OPRL1: variants seen among roughly 807,000 people sequenced by gnomAD.
OPRL1 encodes the protein opioid related nociceptin receptor 1, also known as nociceptin receptor.
In OPRL1, 5 loss-of-function variants were observed where a neutral mutation model predicts 15.5. That is an observed-to-expected ratio of 0.32 (90% CI 0.17 to 0.68). OPRL1 has a LOEUF of 0.68. Among genes scored for constraint, OPRL1 ranks in the 30% least tolerant of loss-of-function variants. The pLI is 0.72. For synonymous variants in OPRL1, 223 were observed against 230.2 expected (o/e 0.97, Z 0.28); for missense variants, 406 against 515.3 (o/e 0.79, Z 2.05).
In OPRL1 at chr20:64,098,595, C is replaced by T; in HGVS notation, c.909C>T (p.Phe303=). Residue 303 remains phenylalanine (F), a synonymous_variant, in exon 5 of 5, where the codon TTC becomes TTT. Transcript: ENST00000336866. ...AGACTGCCGTGGCCATTCTGCGCTT[C>T]TGCACGGCCCTGGGCTACGTCAACA... ...SSETAVAILR[F]CTALGYVNSC... The T allele has an allele frequency of 1.2e-6, 2 of 1,612,892 alleles. No homozygotes were observed. Among genetic ancestry groups the T allele is most frequent in the Non-Finnish European group, 1.7e-6 (2 of 1,179,990 alleles).
In OPRL1 at chr20:64,089,379, G is replaced by A. The variant is rs2060098402; in HGVS notation, c.-184-2587G>A. ...TGGGAGCTGCCTTGGTGGGGGTGCA[G>A]GTGGCTGGTTGCTATTGCTGGGTGA... On this transcript the variant is annotated intron_variant, in intron 1 of 4. Coordinates refer to ENST00000336866, the MANE Select transcript of OPRL1 (RefSeq NM_182647.4). The surrounding 1 kb of genome is among the most constrained non-coding windows in gnomAD (Gnocchi z 5.5). Among the ~76,000 whole-genome samples, 1 of 152,100 alleles carries A rather than the reference G, an allele frequency of 6.6e-6. No individual in the cohort carries two copies. Among genetic ancestry groups the A allele is most frequent in the African/African-American group, 2.4e-5 (1 of 41,408 alleles).
At chr20:64,092,182 G>A (rs2060125682) in intron 2 of OPRL1, 66 bp downstream of exon 2, 1 of 155,420 alleles carries the variant, frequency 6.4e-6, no homozygotes, top group Non-Finnish European at 1.4e-5. Context: ...AAGCAGGGCG[G>A]GTGGAGGGGG....
At chr20:64,084,781 A>C (rs1273633082) in intron 1 of OPRL1, among the ~76,000 whole-genome samples, 2 of 152,090 alleles carry the variant, frequency 1.3e-5, no homozygotes, top group Non-Finnish European at 2.9e-5. Context: ...TACAGCTGCC[A>C]CCTTGTCCAG....
rs1319260003 is a variant in OPRL1, at chr20:64,098,467, A to G, written c.781A>G (p.Ile261Val). The stretch of plus-strand genomic sequence containing the variant: ...AGAGAAGGACCGGAACCTGCGGCGC[A>G]TCACTCGGCTGGTGCTGGTGGTAGT... ...SREKDRNLRR[I>V]TRLVLVVVAV... Residue 261 changes from isoleucine to valine, a missense_variant, in exon 5 of 5, where the codon ATC becomes GTC. By Grantham distance (29) the Ile-to-Val change is conservative (BLOSUM62 3). Coordinates refer to ENST00000336866, the MANE Select transcript of OPRL1 (RefSeq NM_182647.4). The G allele has an allele frequency of 1.7e-5, 28 of 1,613,104 alleles. No individual in the cohort carries two copies. The highest frequency in any genetic ancestry group is 2.2e-5 in the South Asian group (2 of 91,076).
In OPRL1 at chr20:64,083,817, C is replaced by T. The variant is rs529928198; in HGVS notation, c.-185+3465C>T. On this transcript the variant is annotated intron_variant, in intron 1 of 4. Coordinates refer to ENST00000336866, the MANE Select transcript of OPRL1 (RefSeq NM_182647.4). The surrounding 1 kb of genome is among the most constrained non-coding windows in gnomAD (Gnocchi z 4.9). ...TCTGCCCTCCGACCCCCTCGCCTCACCCGCATGCGGGTGTAGCGCAGCCGC... is the reference window on the plus strand; with the variant it reads ...TCTGCCCTCCGACCCCCTCGCCTCATCCGCATGCGGGTGTAGCGCAGCCGC... 11 of 1,358,948 alleles carry T rather than the reference C, an allele frequency of 8.1e-6. No homozygotes were observed. The African/African-American group carries it at 1.5e-4, about 19-fold the overall frequency. 84.2% of individuals were successfully genotyped at this position (1,358,948 alleles called of 1,614,324 possible). A position where few individuals can be genotyped will look rare whatever the true frequency, so the allele number is the denominator to read the frequency against.
Position 64,097,740 on chromosome 20 carries a change from C to A in OPRL1, c.234-62C>A. ...TGGTGGCCAAGAGGAGCCCCTTGCC[C>A]TTTGCTGCCTGGTCCAGCCAGCATG... On this transcript the variant is annotated intron_variant, in intron 3 of 4. Transcript: ENST00000336866. The surrounding 1 kb of genome is among the most constrained non-coding windows in gnomAD (Gnocchi z 4.2). 1.3e-6 allele frequency: 2 copies of A among 1,485,596 alleles called. No individual in the cohort carries two copies. The highest frequency in any genetic ancestry group is 1.8e-5 in the Admixed American group (1 of 57,058). The allele number at this position is 1,485,596 out of a possible 1,614,324, so 92.0% of individuals were successfully genotyped here. A position where few individuals can be genotyped will look rare whatever the true frequency, so the allele number is the denominator to read the frequency against.
chr20:64,098,063 C>A lies in OPRL1; in HGVS notation c.495C>A (p.Ser165Arg). 6.2e-7 allele frequency: 1 copy of A among 1,613,448 alleles called. No individual in the cohort carries two copies. The highest frequency in any genetic ancestry group is 8.5e-7 in the Non-Finnish European group (1 of 1,180,006). ...PIRALDVRTSSKAQAVNVAIW... is the reference protein window; with the variant it reads ...PIRALDVRTSRKAQAVNVAIW... ...GTGCCCTCGACGTCCGCACGTCCAG[C>A]AAAGCCCAGGCTGTCAATGTGGCCA... Residue 165 changes from serine to arginine, a missense_variant, in exon 4 of 5, where the codon AGC becomes AGA. Physicochemically the swap from Ser to Arg is moderately radical, Grantham distance 110. Transcript: ENST00000336866.
chr20:64,095,787 A>G (rs1361803213), intron 3 of OPRL1, among the ~76,000 whole-genome samples: 1 of 151,926 alleles, frequency 6.6e-6, no homozygotes, highest in African/African-American at 2.4e-5. Context: ...TTATGTAGGT[A>G]GAGGCGGGAC....
In OPRL1 at chr20:64,097,946, C is replaced by T. The variant is rs369615186; in HGVS notation, c.378C>T (p.Val126=). ...TTGGGAATGCGCTGTGCAAGACAGTCATTGCCATTGACTACTACAACATGT... is the reference window on the plus strand; with the variant it reads ...TTGGGAATGCGCTGTGCAAGACAGTTATTGCCATTGACTACTACAACATGT... ...WPFGNALCKT[V]IAIDYYNMFT... The change falls in exon 4 of 5, where the codon GTC becomes GTT. Residue 126 remains valine (V), a synonymous_variant. Transcript: ENST00000336866. This position sits in a 1 kb window ranked among gnomAD's most constrained non-coding sequence, Gnocchi z 4.2. The T allele has an allele frequency of 5.0e-6, 8 of 1,613,754 alleles. No individual in the cohort carries two copies. Among genetic ancestry groups the T allele is most frequent in the Non-Finnish European group, 6.8e-6 (8 of 1,180,032 alleles).
At position 64,089,959 on chromosome 20, in the gene OPRL1, C is replaced by G. The variant is rs533763239; in HGVS notation, c.-184-2007C>G. On this transcript the variant is annotated intron_variant, in intron 1 of 4. Coordinates refer to ENST00000336866, the MANE Select transcript of OPRL1 (RefSeq NM_182647.4). This position sits in a 1 kb window ranked among gnomAD's most constrained non-coding sequence, Gnocchi z 5.5. ...CCGAGCCTGCCTGGATTCCTGCCCCCTCTCGGCTCCTGAGGTCAGGGGGCT... is the reference window on the plus strand; with the variant it reads ...CCGAGCCTGCCTGGATTCCTGCCCCGTCTCGGCTCCTGAGGTCAGGGGGCT... Among the ~76,000 whole-genome samples the G allele has an allele frequency of 3.3e-5, 5 of 152,180 alleles. No individual in the cohort carries two copies. Among genetic ancestry groups the G allele is most frequent in the Admixed American group, 1.3e-4 (2 of 15,288 alleles).
chr20:64,100,158 G>A lies in OPRL1; in HGVS notation c.*1359G>A, dbSNP rs1229733540. On this transcript the variant is annotated 3_prime_UTR_variant, in exon 5 of 5. Coordinates refer to ENST00000336866, the MANE Select transcript of OPRL1 (RefSeq NM_182647.4). ...GGGGATGCCCCGCTGTGGTCACCCA[G>A]AGAATCACCCTTCCTGGTCTACAGA... 3.9e-5 allele frequency: 6 copies of A among 152,184 alleles called. No individual in the cohort carries two copies. Among genetic ancestry groups the A allele is most frequent in the African/African-American group, 1.2e-4 (5 of 41,428 alleles). 9.4% of individuals were successfully genotyped at this position (152,184 alleles called of 1,614,324 possible). A position where few individuals can be genotyped will look rare whatever the true frequency, so the allele number is the denominator to read the frequency against.
chr20:64,081,847 A>G (rs1479187040), intron 1 of OPRL1, among the ~76,000 whole-genome samples: 1 of 152,168 alleles, frequency 6.6e-6, no homozygotes. Flanking sequence ...CACTGAGGTC[A>G]CTGTCTTGCT....
chr20:64,088,658 GCCA>G (rs2060081765), intron 1 of OPRL1, among the ~76,000 whole-genome samples: 1 of 151,110 alleles, frequency 6.6e-6, no homozygotes, highest in Non-Finnish European at 1.5e-5. Context: ...GTGCAGGGAG[GCCA>G]GGATCTGTGC....
chr20:64,096,047 C>T (rs548762951), intron 3 of OPRL1, among the ~76,000 whole-genome samples: 33 of 152,238 alleles, frequency 2.2e-4, no homozygotes, highest in Middle Eastern at 6.8e-3. Context: ...GAGGTTGCCT[C>T]GTGATGTGCA....
chr20:64,093,069 A>G, intron 3 of OPRL1, 116 bp downstream of exon 3: 1 of 924,564 alleles, frequency 1.1e-6, no homozygotes, highest in South Asian at 1.7e-5. Flanking sequence ...TGCTTCCCCC[A>G]TTCAATGTTT....
Position 64,090,134 on chromosome 20 carries a change from G to A in OPRL1, c.-184-1832G>A, listed in dbSNP as rs116347277. On this transcript the variant is annotated intron_variant, in intron 1 of 4. Transcript: ENST00000336866. The surrounding 1 kb of genome is among the most constrained non-coding windows in gnomAD (Gnocchi z 4.9). ...CCTGCGTGCACGTTGGCGTCATCTTGCATGTGTGTGGCCCGTGTGTTTGTG... is the reference window on the plus strand; with the variant it reads ...CCTGCGTGCACGTTGGCGTCATCTTACATGTGTGTGGCCCGTGTGTTTGTG... Among the ~76,000 whole-genome samples the A allele has an allele frequency of 1.6e-3, 239 of 152,336 alleles. 1 individual carries two copies. Among genetic ancestry groups the A allele is most frequent in the African/African-American group, 5.6e-3 (231 of 41,582 alleles).
At chr20:64,088,717 G>A (rs1256937315) in intron 1 of OPRL1, among the ~76,000 whole-genome samples, 2 of 117,212 alleles carry the variant, frequency 1.7e-5, no homozygotes, top group South Asian at 2.9e-4. Flanking sequence ...TGTGCAGAGT[G>A]GCCAGGATCT....
rs1408234334 is a variant in OPRL1 at position 64,098,667 on chromosome 20, G to T, written c.981G>T (p.Lys327Asn). 12 of 1,612,920 alleles carry T rather than the reference G, an allele frequency of 7.4e-6. No homozygotes were observed. Among genetic ancestry groups the T allele is most frequent in the Non-Finnish European group, 9.3e-6 (11 of 1,179,984 alleles). ...ILYAFLDENF[K>N]ACFRKFCCAS... ...ACGCCTTCCTGGATGAGAACTTCAAGGCCTGCTTCCGCAAGTTCTGCTGTG... is the reference window on the plus strand; with the variant it reads ...ACGCCTTCCTGGATGAGAACTTCAATGCCTGCTTCCGCAAGTTCTGCTGTG... Residue 327 changes from lysine to asparagine, a missense_variant, in exon 5 of 5, where the codon AAG becomes AAT. Physicochemically the swap from Lys to Asn is moderately conservative, Grantham distance 94. Coordinates refer to ENST00000336866, the MANE Select transcript of OPRL1 (RefSeq NM_182647.4).
In OPRL1 at chr20:64,092,994, C is replaced by T. The variant is rs143480649; in HGVS notation, c.233+41C>T. On this transcript the variant is annotated intron_variant, in intron 3 of 4. Coordinates refer to ENST00000336866, the MANE Select transcript of OPRL1 (RefSeq NM_182647.4). ...AGGTTCCTGTCTGGTGAGTCCCACA[C>T]GGCTGCAGAGGGGGAAACTGAGACG... is the stretch of plus-strand genomic sequence containing the variant. 2.0e-3 allele frequency: 3,098 copies of T among 1,563,230 alleles called. 9 individuals are homozygous for T. The highest frequency in any genetic ancestry group is 5.4e-3 in the South Asian group (484 of 89,364).
Sources: gnomAD v4.1 joint callset for allele counts (sites outside exome capture counted in the v4.1 genomes callset) on GRCh38, gnomAD v4.1.1 for gene constraint, Gnocchi (gnomAD v3.1) non-coding constraint, MANE v1.5 for transcripts, NCBI Gene and HGNC (gene_info 2026-07-23, HGNC 2026-07-21) for gene names.